Variants in SPARC observed in about 807,000 individuals in gnomAD.
SPARC encodes the protein basement-membrane protein 40.
Under a neutral mutation model 37.7 loss-of-function variants are expected in SPARC, and 23 were observed. The ratio of observed to expected loss-of-function variants is 0.61; its 90% CI spans 0.44 to 0.87. SPARC has a LOEUF of 0.87. SPARC is among the 40% of genes least tolerant of loss of function. SPARC has a pLI of 0.00. For synonymous variants in SPARC, 155 were observed against 150.8 expected (o/e 1.03, Z -0.20); for missense variants, 312 against 389.0 (o/e 0.80, Z 1.66).
chr5:151,678,720 A>C (rs923617924), intron 1 of SPARC, among the ~76,000 whole-genome samples: 1 of 152,184 alleles, frequency 6.6e-6, no homozygotes, highest in African/African-American at 2.4e-5. Context: ...GGAGTGGGGG[A>C]GAAATGCAGA....
chr5:151,668,354 C>G (rs7709901), intron 6 of SPARC, among the ~76,000 whole-genome samples: 3,582 of 152,090 alleles, frequency 0.024, 138 homozygotes, highest in African/African-American at 0.082. Context: ...GGTTTTGCCA[C>G]GTTGCCCAGA....
intron 5 of SPARC, 134 bp downstream of exon 5, chr5:151,671,439 G>T: frequency 9.4e-7 from 1 of 1,064,660 alleles, no homozygotes; most frequent in Non-Finnish European, 1.3e-6. Context: ...TTCCTGCTGG[G>T]ACTAGGTCTA....
chr5:151,663,530 G>A lies in SPARC; in HGVS notation c.*41C>T, dbSNP rs1248938214. 6.3e-7 allele frequency: 1 copy of A among 1,588,530 alleles called. No individual in the cohort carries two copies. ...TAAACATTGGGGGAAACACGAAGGG[G>A]AGGGTTAAAGAGAGAATCCGGTACT... On this transcript the variant is annotated 3_prime_UTR_variant, in exon 10 of 10. Transcript: ENST00000231061.
chr5:151,665,371 C>T (rs915834258), intron 8 of SPARC, among the ~76,000 whole-genome samples: 5 of 152,188 alleles, frequency 3.3e-5, no homozygotes, highest in African/African-American at 9.7e-5. Context: ...ATGGCAAAAG[C>T]CTGGGAGAGA....
At chr5:151,681,979 T>C (rs1425958687) in intron 1 of SPARC, among the ~76,000 whole-genome samples, 2 of 152,160 alleles carry the variant, frequency 1.3e-5, no homozygotes, top group East Asian at 3.8e-4. Context: ...TTCCCTAAGA[T>C]ACCTTGGAAC....
At chr5:151,676,044 C>A in intron 2 of SPARC, 88 bp downstream of exon 2, 1 of 1,081,376 alleles carries the variant, frequency 9.2e-7, no homozygotes, top group Non-Finnish European at 1.4e-6. Context: ...GTCCCTGTTC[C>A]CTTTCAGCAT....
At chr5:151,670,627 G>A (rs1581523462) in intron 5 of SPARC, among the ~76,000 whole-genome samples, 2 of 152,180 alleles carry the variant, frequency 1.3e-5, no homozygotes, top group Admixed American at 1.3e-4. Flanking sequence ...TGGAGTCCTA[G>A]TCGATCTCTG....
chr5:151,663,354 A>G lies in SPARC; in HGVS notation c.*217T>C, dbSNP rs1307997144. 6 of 571,450 alleles carry G rather than the reference A, an allele frequency of 1.0e-5. No individual in the cohort carries two copies. The highest frequency in any genetic ancestry group is 1.9e-5 in the Non-Finnish European group (6 of 321,284). 35.4% of individuals were successfully genotyped at this position (571,450 alleles called of 1,614,324 possible). On this transcript the variant is annotated 3_prime_UTR_variant, in exon 10 of 10. Coordinates refer to ENST00000231061, the MANE Select transcript of SPARC (RefSeq NM_003118.4). ...ATGGCAAGAGAAAAATGGGACTATT[A>G]ATGCGTGTGGAAAAGGCCTTAATAG...
At chr5:151,670,257 G>A (rs1581523235) in intron 5 of SPARC, among the ~76,000 whole-genome samples, 1 of 152,226 alleles carries the variant, frequency 6.6e-6, no homozygotes, top group African/African-American at 2.4e-5. Flanking sequence ...AGAGTGGCTC[G>A]CTATGCCTGG....
chr5:151,673,966 CTGTGTGTGTGTGTGTGTG>C lies in SPARC; in HGVS notation c.120+628_120+645del, dbSNP rs3138755. 4.4e-3 allele frequency among the ~76,000 whole-genome samples: 618 copies of C among 141,860 alleles called. 2 individuals carry two copies. The highest frequency in any genetic ancestry group is 6.9e-3 in the Non-Finnish European group (450 of 64,932). 93.1% of individuals were successfully genotyped at this position (141,860 alleles called of 152,430 possible). A position where few individuals can be genotyped will look rare whatever the true frequency, so the allele number is the denominator to read the frequency against. On this transcript the variant is annotated intron_variant, in intron 3 of 9. Transcript: ENST00000231061. The stretch of plus-strand genomic sequence containing the variant: ...CACACCCAAGCATCTCCCCTTTCCT[CTGTGTGTGTGTGTGTGTG>C]TGTGTGTGTGTGTGTGTGTGTGTGC...
chr5:151,675,049 A>T (rs1476905634), intron 2 of SPARC, among the ~76,000 whole-genome samples: 1 of 152,264 alleles, frequency 6.6e-6, no homozygotes, highest in Non-Finnish European at 1.5e-5. Flanking sequence ...TGTGAATTTT[A>T]ACAGATGTCA....
At chr5:151,670,386 G>T (rs1760722931) in intron 5 of SPARC, among the ~76,000 whole-genome samples, 2 of 152,144 alleles carry the variant, frequency 1.3e-5, no homozygotes, top group Non-Finnish European at 2.9e-5. Flanking sequence ...TAAAACTTTG[G>T]GTGCTGAGTC....
intron 3 of SPARC, 46 bp downstream of exon 3, chr5:151,674,566 A>T (rs1396421333): frequency 1.1e-5 from 17 of 1,586,934 alleles, no homozygotes; most frequent in Non-Finnish European, 1.5e-5. Context: ...CAGGGCACAG[A>T]TACAGGTAGA....
chr5:151,670,156 G>T (rs1217332207), intron 5 of SPARC, among the ~76,000 whole-genome samples: 1 of 152,234 alleles, frequency 6.6e-6, no homozygotes, highest in African/African-American at 2.4e-5. Context: ...CTTAGAAAAG[G>T]CCTGCTTGTA....
chr5:151,674,998 A>T (rs1441051531), intron 2 of SPARC, among the ~76,000 whole-genome samples: 1 of 152,186 alleles, frequency 6.6e-6, no homozygotes, highest in East Asian at 1.9e-4. Context: ...CAATTCTTTC[A>T]CTTTACAGAT....
At chr5:151,681,297 C>T (rs533336002) in intron 1 of SPARC, among the ~76,000 whole-genome samples, 162 of 152,286 alleles carry the variant, frequency 1.1e-3, no homozygotes, top group Admixed American at 1.8e-3. Context: ...TGCTCACACC[C>T]CTGGGAGCAG....
At chr5:151,680,625 T>A (rs960995490) in intron 1 of SPARC, among the ~76,000 whole-genome samples, 1 of 152,158 alleles carries the variant, frequency 6.6e-6, no homozygotes, top group South Asian at 2.1e-4. Context: ...CAGTATAGCA[T>A]AAAGGTAAGC....
At chr5:151,677,868 T>C (rs1022688425) in intron 1 of SPARC, among the ~76,000 whole-genome samples, 3 of 152,214 alleles carry the variant, frequency 2.0e-5, no homozygotes, top group African/African-American at 7.2e-5. Context: ...GGGGGTTTGG[T>C]ATTGCTTCAC....
At chr5:151,685,884 T>TTGGAGTCCC (rs1761128640) in intron 1 of SPARC, 1 of 152,196 alleles carries the variant, frequency 6.6e-6, no homozygotes, top group Non-Finnish European at 1.5e-5. Context: ...CTTGGAGTCC[T>TTGGAGTCCC]TGGAGTCCCT....
Sources: gnomAD v4.1 joint callset for allele counts (sites outside exome capture counted in the v4.1 genomes callset) on GRCh38, gnomAD v4.1.1 for gene constraint, MANE v1.5 for transcripts, NCBI Gene and HGNC (gene_info 2026-07-23, HGNC 2026-07-21) for gene names.